Variants in EPB41L3 observed in about 807,000 individuals in gnomAD.
EPB41L3 encodes the protein erythrocyte membrane protein band 4.1 like 3.
In EPB41L3, 57 loss-of-function variants were observed where a neutral mutation model predicts 127.1. That is an observed-to-expected ratio of 0.45 (90% CI 0.36 to 0.56). The LOEUF (loss-of-function observed/expected upper bound fraction) is 0.56, where lower values mean the gene tolerates loss of function less well. EPB41L3 is among the 20% of genes least tolerant of loss of function. The pLI is 0.00. For missense variants in EPB41L3, 1,273 were observed against 1,372.2 expected (o/e 0.93, Z 1.14); for synonymous variants, 572 against 549.5 (o/e 1.04, Z -0.57).
At chr18:5,513,016 G>A (rs138134993) in intron 1 of EPB41L3, among the ~76,000 whole-genome samples, 27 of 152,280 alleles carry the variant, frequency 1.8e-4, no homozygotes, top group African/African-American at 6.3e-4. Context: ...ATGCATGAGG[G>A]TGCTTGGGCA....
chr18:5,546,315 G>A, upstream of EPB41L3, among the ~76,000 whole-genome samples: 1 of 152,054 alleles, frequency 6.6e-6, no homozygotes, highest in Non-Finnish European at 1.5e-5. Context: ...GGTGGATCAC[G>A]AGGTCAGGAG....
At chr18:5,500,975 C>T (rs994334131) in intron 1 of EPB41L3, among the ~76,000 whole-genome samples, 9 of 151,916 alleles carry the variant, frequency 5.9e-5, no homozygotes, top group Non-Finnish European at 7.4e-5. Flanking sequence ...GTGGTGAGAA[C>T]AAGAAAGAAA....
At chr18:5,603,774 G>A (rs2094615615) in intron 3 of EPB41L3, among the ~76,000 whole-genome samples, 1 of 151,984 alleles carries the variant, frequency 6.6e-6, no homozygotes, top group Admixed American at 6.6e-5. Context: ...CTAGCTACTT[G>A]GGAGACTGAG....
chr18:5,408,266 CTTTTT>C (rs1386344737), intron 14 of EPB41L3, among the ~76,000 whole-genome samples: 1 of 64,538 alleles, frequency 1.5e-5, no homozygotes. Context: ...ATTTTCTTTT[CTTTTT>C]TCTTTTTTTT....
intron 1 of EPB41L3, among the ~76,000 whole-genome samples, chr18:5,523,350 T>G (rs888563813): frequency 2.6e-5 from 4 of 152,214 alleles, no homozygotes; most frequent in Admixed American, 6.5e-5. Context: ...CTAGCTTAAA[T>G]TGGGCTTCTG....
intron 13 of EPB41L3, among the ~76,000 whole-genome samples, chr18:5,414,225 G>T (rs1238826721): frequency 6.6e-6 from 1 of 152,042 alleles, no homozygotes; most frequent in African/African-American, 2.4e-5. Flanking sequence ...TGATAATATT[G>T]CCAATATGAG....
intron 3 of EPB41L3, among the ~76,000 whole-genome samples, chr18:5,474,690 A>G (rs931394873): frequency 6.6e-6 from 1 of 152,132 alleles, no homozygotes; most frequent in Non-Finnish European, 1.5e-5. Flanking sequence ...CATCGCCTTC[A>G]TTCTTAATTC....
At chr18:5,426,930 C>A (rs776805626) in intron 9 of EPB41L3, among the ~76,000 whole-genome samples, 2 of 152,092 alleles carry the variant, frequency 1.3e-5, no homozygotes, top group African/African-American at 2.4e-5. Flanking sequence ...GAAAAGCTTA[C>A]AGATTATTTC....
chr18:5,448,439 G>C (rs933985795), intron 3 of EPB41L3, among the ~76,000 whole-genome samples: 7 of 152,018 alleles, frequency 4.6e-5, no homozygotes, highest in Non-Finnish European at 8.8e-5. Context: ...GCATGTGCCT[G>C]CAGGTAATCA....
At chr18:5,562,933 G>T (rs1221185734) in intron 3 of EPB41L3, among the ~76,000 whole-genome samples, 2 of 152,232 alleles carry the variant, frequency 1.3e-5, no homozygotes, top group Non-Finnish European at 2.9e-5. Flanking sequence ...GTGGGTCTCT[G>T]CTTTGGAGGG....
intron 3 of EPB41L3, among the ~76,000 whole-genome samples, chr18:5,553,182 G>A (rs2093988586): frequency 6.6e-6 from 1 of 152,194 alleles, no homozygotes; most frequent in South Asian, 2.1e-4. Context: ...CTAAAAGACT[G>A]TAAGGCAACC....
intron 3 of EPB41L3, among the ~76,000 whole-genome samples, chr18:5,584,224 G>A (rs1418903598): frequency 6.6e-6 from 1 of 152,150 alleles, no homozygotes; most frequent in Admixed American, 6.5e-5. Context: ...CCAATAGCTG[G>A]GTCCTTTACC....
chr18:5,561,214 T>C (rs1050716879), intron 3 of EPB41L3, among the ~76,000 whole-genome samples: 9 of 152,048 alleles, frequency 5.9e-5, no homozygotes, highest in Non-Finnish European at 2.9e-5. Context: ...CCTGACCTCG[T>C]GATCCGCCCG....
chr18:5,580,366 C>T (rs1382591966), intron 3 of EPB41L3, among the ~76,000 whole-genome samples: 1 of 151,956 alleles, frequency 6.6e-6, no homozygotes, highest in Non-Finnish European at 1.5e-5. Context: ...TGTATAGGCA[C>T]ACAGGTATAG....
At chr18:5,490,929 T>C (rs1248673986) in intron 1 of EPB41L3, among the ~76,000 whole-genome samples, 2 of 152,158 alleles carry the variant, frequency 1.3e-5, no homozygotes, top group Non-Finnish European at 2.9e-5. Context: ...GAAACAGAGA[T>C]TCATCTGTTG....
intron 12 of EPB41L3, 77 bp downstream of exon 12, chr18:5,419,634 C>T: frequency 2.5e-6 from 4 of 1,581,790 alleles, no homozygotes; most frequent in South Asian, 1.2e-5. Context: ...GAGCACATTC[C>T]TGGTTTACAG....
chr18:5,549,558 A>G (rs1785384), intron 3 of EPB41L3, among the ~76,000 whole-genome samples: 35,794 of 152,118 alleles, frequency 0.24, 5,776 homozygotes, highest in African/African-American at 0.46. Context: ...TAAGTTTTAC[A>G]TTTCTGTGTC....
chr18:5,462,270 C>G (rs1018649580), intron 3 of EPB41L3, among the ~76,000 whole-genome samples: 1 of 152,076 alleles, frequency 6.6e-6, no homozygotes, highest in African/African-American at 2.4e-5. Context: ...TGGTTCTTAC[C>G]ACTTTGTACA....
intron 3 of EPB41L3, among the ~76,000 whole-genome samples, chr18:5,607,897 A>G (rs1826479275): frequency 7.1e-6 from 1 of 141,384 alleles, no homozygotes; most frequent in African/African-American, 3.1e-5. Flanking sequence ...TCTACCTTTG[A>G]AGGGCCAGGA....
Sources: allele counts gnomAD v4.1 joint callset (sites outside exome capture counted in the v4.1 genomes callset), GRCh38; gene constraint gnomAD v4.1.1; transcripts MANE v1.5; gene names NCBI Gene and HGNC (gene_info 2026-07-23, HGNC 2026-07-21).